PHF10: variants seen among roughly 807,000 people sequenced by gnomAD.
PHF10 encodes PHD finger protein 10.
PHF10 carries 51 observed loss-of-function variants against 68.5 expected under a neutral mutation model. The observed-to-expected ratio is 0.74, with a 90% CI of 0.59 to 0.94. The LOEUF (loss-of-function observed/expected upper bound fraction) is 0.94, where lower values mean the gene tolerates loss of function less well. Ranked by LOEUF, PHF10 falls within the 40% of genes least tolerant of loss-of-function variation. The pLI, the probability that PHF10 is intolerant of heterozygous loss-of-function variation, is 0.00. For synonymous variants in PHF10, 204 were observed against 203.5 expected (o/e 1.00, Z -0.02); for missense variants, 460 against 602.6 (o/e 0.76, Z 2.48).
At chr6:169,705,001 C>T (rs1219245202) in intron 11 of PHF10, 132 bp downstream of exon 11, 1 of 580,072 alleles carries the variant, frequency 1.7e-6, no homozygotes, top group East Asian at 3.0e-5. Context: ...CCTGTATAAT[C>T]ACAGCTTTGG....
At chr6:169,704,132 A>C (rs985373448) in intron 11 of PHF10, 44 bp from the exon 12 acceptor site, 2 of 1,445,538 alleles carry the variant, frequency 1.4e-6, no homozygotes, top group African/African-American at 2.9e-5. Context: ...TTATCTTTAC[A>C]GGACTGAATT....
intron 4 of PHF10, among the ~76,000 whole-genome samples, chr6:169,716,890 T>C (rs568602138): frequency 8.9e-4 from 136 of 152,158 alleles, no homozygotes; most frequent in South Asian, 1.9e-3. Flanking sequence ...GCAAAGAACC[T>C]GCAACTTAAA....
chr6:169,723,481 G>T (rs534329141), intron 1 of PHF10, among the ~76,000 whole-genome samples: 1 of 152,362 alleles, frequency 6.6e-6, no homozygotes, highest in South Asian at 2.1e-4. Flanking sequence ...TGCGCGGAAT[G>T]AACGCTGAGC....
At chr6:169,720,949 G>A in intron 2 of PHF10, 56 bp downstream of exon 2, 1 of 894,828 alleles carries the variant, frequency 1.1e-6, no homozygotes, top group Non-Finnish European at 1.8e-6. Context: ...GGAAGAGGAT[G>A]TTAAGGCAAA....
intron 7 of PHF10, among the ~76,000 whole-genome samples, chr6:169,713,470 G>T (rs1788972721): frequency 6.6e-6 from 1 of 151,748 alleles, no homozygotes; most frequent in African/African-American, 2.4e-5. Context: ...CAAGGTGGCG[G>T]GCACCTGTAA....
Position 169,710,394 on chromosome 6 carries a change from G to A in PHF10, c.958-3C>T. ...GATACATTGCCAGAGGAGCTGTCCTGGAGTTTAAAAGGCAAAAACAAAGAT... is the reference window on the plus strand; with the variant it reads ...GATACATTGCCAGAGGAGCTGTCCTAGAGTTTAAAAGGCAAAAACAAAGAT... On this transcript the variant is annotated splice_polypyrimidine_tract_variant and splice_region_variant and intron_variant, in intron 8 of 11. Coordinates refer to ENST00000339209, the MANE Select transcript of PHF10 (RefSeq NM_018288.4). The A allele has an allele frequency of 6.2e-7, 1 of 1,607,862 alleles. No individual in the cohort carries two copies.
Position 169,705,161 on chromosome 6 carries a change from A to G in PHF10, c.1383T>C (p.Phe461=). 1 of 1,610,986 alleles carries G rather than the reference A, an allele frequency of 6.2e-7. No individual in the cohort carries two copies. The highest frequency in any genetic ancestry group is 8.5e-7 in the Non-Finnish European group (1 of 1,178,638). ...ATGGAATAGCACCAAGGCCCACACA[A>G]AAAGTATGATAACCTCTGTCACACA... ...CDMCDRGYHT[F]CVGLGAIPSG... is the part of the protein sequence containing the mutation. The change falls in exon 11 of 12, where the codon TTT becomes TTC. Residue 461 remains phenylalanine (F), a synonymous_variant. Coordinates refer to ENST00000339209, the MANE Select transcript of PHF10 (RefSeq NM_018288.4).
intron 10 of PHF10, 99 bp downstream of exon 10, chr6:169,705,517 G>C: frequency 1.3e-6 from 1 of 786,578 alleles, no homozygotes; most frequent in Non-Finnish European, 2.2e-6. Flanking sequence ...TATTTAATTT[G>C]GTGACTCTTT....
Position 169,723,830 on chromosome 6 carries a change from C to A in PHF10, c.87+15G>T. On this transcript the variant is annotated intron_variant, in intron 1 of 11. Transcript: ENST00000339209. ...GGACGGGGTCAGGGTCGGGTCGCAC[C>A]GGCCGCTTCCTCACCTTCGGGGACT... The A allele has an allele frequency of 3.0e-6, 3 of 992,436 alleles. No individual in the cohort carries two copies. 61.5% of individuals were successfully genotyped at this position (992,436 alleles called of 1,614,324 possible). A position where few individuals can be genotyped will look rare whatever the true frequency, so the allele number is the denominator to read the frequency against.
intron 10 of PHF10, 105 bp downstream of exon 10, chr6:169,705,511 T>G: frequency 1.3e-6 from 1 of 772,534 alleles, no homozygotes; most frequent in East Asian, 2.5e-5. Context: ...CCTGTGTATT[T>G]AATTTGGTGA....
chr6:169,712,771 T>TCC (rs751342211), intron 7 of PHF10, among the ~76,000 whole-genome samples: 12 of 152,080 alleles, frequency 7.9e-5, no homozygotes, highest in Non-Finnish European at 1.6e-4. Flanking sequence ...ATAATGTGCC[T>TCC]CCCCTCTTTG....
chr6:169,723,998 T>TGCCGCCGCCGCCGCCGCCGCCGCC lies in PHF10; in HGVS notation c.-91_-68dup, dbSNP rs1161850118. ...GCCTTGTCCCGGCCGCCGCCGCCGC[T>TGCCGCCGCCGCCGCCGCCGCCGCC]GCCGCCGCCGCCGCCGCCGCCGCCG... On this transcript the variant is annotated 5_prime_UTR_variant, in exon 1 of 12. Transcript: ENST00000339209. 1 of 325,816 alleles carries TGCCGCCGCCGCCGCCGCCGCCGCC rather than the reference T, an allele frequency of 3.1e-6. No homozygotes were observed. Among genetic ancestry groups the TGCCGCCGCCGCCGCCGCCGCCGCC allele is most frequent in the African/African-American group, 2.6e-5 (1 of 39,032 alleles). The allele number at this position is 325,816 out of a possible 1,614,324, so 20.2% of individuals were successfully genotyped here. A position where few individuals can be genotyped will look rare whatever the true frequency, so the allele number is the denominator to read the frequency against.
At chr6:169,716,349 T>G (rs1789047119) in intron 4 of PHF10, among the ~76,000 whole-genome samples, 1 of 152,126 alleles carries the variant, frequency 6.6e-6, no homozygotes, top group Non-Finnish European at 1.5e-5. Flanking sequence ...TCTATGTGCT[T>G]TGAACATATA....
chr6:169,711,267 T>C (rs560032224), intron 8 of PHF10, among the ~76,000 whole-genome samples: 1 of 152,202 alleles, frequency 6.6e-6, no homozygotes, highest in Non-Finnish European at 1.5e-5. Flanking sequence ...TTAAAAGCAT[T>C]ATGTGCATTT....
chr6:169,709,511 C>T (rs1289906267), intron 9 of PHF10: 1 of 152,130 alleles, frequency 6.6e-6, no homozygotes, highest in East Asian at 1.9e-4. Flanking sequence ...TCTCACCTCA[C>T]CTTTTCTTCA....
chr6:169,704,904 A>G (rs1385343126), intron 11 of PHF10: 2 of 400,992 alleles, frequency 5.0e-6, no homozygotes, highest in Admixed American at 4.3e-5. Context: ...CTATAGAACT[A>G]TACTTCCAAA....
chr6:169,711,980 T>C (rs1304876152), intron 8 of PHF10, among the ~76,000 whole-genome samples: 3 of 152,102 alleles, frequency 2.0e-5, no homozygotes, highest in Non-Finnish European at 2.9e-5. Context: ...TTGTACAACA[T>C]ATTACTAAAC....
rs776604128 is a variant in PHF10, at chr6:169,712,367, TAG to T, written c.957+17_957+18del. 5 of 1,607,904 alleles carry T rather than the reference TAG, an allele frequency of 3.1e-6. No individual in the cohort carries two copies. In the Admixed American group the frequency reaches 5.0e-5, roughly 16 times the overall value. On this transcript the variant is annotated intron_variant, in intron 8 of 11. Transcript: ENST00000339209. ...CAAAGAGAAAGGAAATGCTTCCTAC[TAG>T]AGAGAAATGTTCTCACCGAAGTGCC...
At chr6:169,719,699 T>G (rs951261074) in intron 2 of PHF10, among the ~76,000 whole-genome samples, 1 of 152,078 alleles carries the variant, frequency 6.6e-6, no homozygotes, top group Non-Finnish European at 1.5e-5. Flanking sequence ...ATCAACAACC[T>G]AAATATAAGA....
Sources: gnomAD v4.1 joint callset for allele counts (sites outside exome capture counted in the v4.1 genomes callset) on GRCh38, gnomAD v4.1.1 for gene constraint, MANE v1.5 for transcripts, NCBI Gene and HGNC (gene_info 2026-07-23, HGNC 2026-07-21) for gene names.